The following ANKS1B variants were observed in gnomAD, a reference collection of about 807,000 sequenced individuals.
The protein encoded by ANKS1B is ankyrin repeat and sterile alpha motif domain-containing protein 1B.
ANKS1B carries 36 observed loss-of-function variants against 148.3 expected under a neutral mutation model. The ratio of observed to expected loss-of-function variants is 0.24; its 90% confidence interval spans 0.19 to 0.32. The LOEUF is 0.32. ANKS1B is among the 10% of genes least tolerant of loss of function. ANKS1B has a pLI of 1.00. For missense variants in ANKS1B, 1,157 were observed against 1,542.6 expected (o/e 0.75, Z 4.19); for synonymous variants, 542 against 560.8 (o/e 0.97, Z 0.47).
chr12:98,788,441 A>AC (rs1432664026), intron 22 of ANKS1B, among the ~76,000 whole-genome samples: 3 of 152,116 alleles, frequency 2.0e-5, no homozygotes, highest in African/African-American at 7.2e-5. Flanking sequence ...CTTTAAAAAT[A>AC]GTTTGGGTTC....
intron 8 of ANKS1B, among the ~76,000 whole-genome samples, chr12:99,731,249 G>T (rs1057389588): frequency 1.3e-5 from 2 of 152,178 alleles, no homozygotes; most frequent in Non-Finnish European, 2.9e-5. Flanking sequence ...CTTCCAAGTA[G>T]CTGGGATTAG....
intron 8 of ANKS1B, among the ~76,000 whole-genome samples, chr12:99,657,431 C>T (rs1242602976): frequency 6.6e-6 from 1 of 152,024 alleles, no homozygotes; most frequent in Non-Finnish European, 1.5e-5. Flanking sequence ...TTGGTGAATA[C>T]GTTTCTGTTA....
chr12:99,730,644 A>G (rs1048148889), intron 8 of ANKS1B, among the ~76,000 whole-genome samples: 1 of 152,156 alleles, frequency 6.6e-6, no homozygotes, highest in Admixed American at 6.5e-5. Flanking sequence ...AGAAAAGCTG[A>G]TATCCTTCCA....
intron 12 of ANKS1B, among the ~76,000 whole-genome samples, chr12:99,392,392 T>C (rs866490644): frequency 1.1e-4 from 17 of 152,278 alleles, no homozygotes; most frequent in African/African-American, 4.1e-4. Context: ...AAGCGTCCTA[T>C]GCTGCTAAGC....
rs769204177 is a variant in ANKS1B, at chr12:98,888,577, G to A, written c.2779-56441C>T. ...CCAGCAAGGCTGACCTGAGCTGACC[G>A]GGATTCAGTCACGCTGGACTGCTCT... On this transcript the variant is annotated intron_variant, in intron 17 of 26. Transcript: ENST00000683438. 2.6e-5 allele frequency among the ~76,000 whole-genome samples: 4 copies of A among 152,196 alleles called. No homozygotes were observed. The East Asian group carries it at 5.8e-4, about 22-fold the overall frequency.
chr12:99,606,825 T>C (rs901052872), intron 9 of ANKS1B, among the ~76,000 whole-genome samples: 1 of 152,094 alleles, frequency 6.6e-6, no homozygotes, highest in East Asian at 1.9e-4. Context: ...CATCATCTTA[T>C]CTTTTTGTTC....
intron 9 of ANKS1B, among the ~76,000 whole-genome samples, chr12:99,545,122 T>A (rs906233948): frequency 1.3e-5 from 2 of 152,142 alleles, no homozygotes; most frequent in African/African-American, 4.8e-5. Flanking sequence ...AATTATATGA[T>A]CCGTTCTTCA....
intron 17 of ANKS1B, among the ~76,000 whole-genome samples, chr12:99,030,476 GT>G (rs2099951405): frequency 7.0e-6 from 1 of 143,572 alleles, no homozygotes; most frequent in African/African-American, 2.6e-5. Flanking sequence ...TGAAAAAGAA[GT>G]TAAATTCCTA....
chr12:99,482,781 G>A (rs2096432666), intron 10 of ANKS1B, among the ~76,000 whole-genome samples: 1 of 151,864 alleles, frequency 6.6e-6, no homozygotes, highest in Non-Finnish European at 1.5e-5. Context: ...GTTGTAAAAG[G>A]GATTGAGTTA....
chr12:99,674,393 C>A (rs1488174398), intron 8 of ANKS1B, among the ~76,000 whole-genome samples: 3 of 151,600 alleles, frequency 2.0e-5, no homozygotes, highest in Non-Finnish European at 4.4e-5. Flanking sequence ...CTAGCTGGAC[C>A]TGCAAGGAAA....
chr12:99,527,493 C>A (rs951102408), intron 9 of ANKS1B, among the ~76,000 whole-genome samples: 1 of 152,062 alleles, frequency 6.6e-6, no homozygotes, highest in Non-Finnish European at 1.5e-5. Context: ...GTTAGTAATC[C>A]GGATTTGTGG....
At chr12:99,768,250 C>G (rs1417517279) in intron 8 of ANKS1B, among the ~76,000 whole-genome samples, 1 of 152,154 alleles carries the variant, frequency 6.6e-6, no homozygotes, top group Non-Finnish European at 1.5e-5. Context: ...AACCCAAATG[C>G]TCATCATTTA....
At chr12:99,547,134 C>T (rs891474003) in intron 9 of ANKS1B, among the ~76,000 whole-genome samples, 4 of 151,984 alleles carry the variant, frequency 2.6e-5, no homozygotes, top group Admixed American at 6.6e-5. Flanking sequence ...TGGAGTCAGA[C>T]CAGGGTTTGC....
chr12:99,595,486 C>G (rs997326551), intron 9 of ANKS1B, among the ~76,000 whole-genome samples: 21 of 151,718 alleles, frequency 1.4e-4, no homozygotes, highest in Non-Finnish European at 3.0e-4. Flanking sequence ...ATTTTAAATG[C>G]TGAAATGTAC....
chr12:99,632,767 A>ATATATATATATATATAT (rs1441486862), intron 9 of ANKS1B, among the ~76,000 whole-genome samples: 4 of 71,336 alleles, frequency 5.6e-5, no homozygotes, highest in Non-Finnish European at 8.6e-5. Flanking sequence ...ATATATATAT[A>ATATATATATATATATAT]TTTTAATTAT....
chr12:98,793,627 T>A (rs1593863812), intron 22 of ANKS1B, among the ~76,000 whole-genome samples: 1 of 152,184 alleles, frequency 6.6e-6, no homozygotes, highest in African/African-American at 2.4e-5. Flanking sequence ...GACCCAAACA[T>A]TGCAATAGCA....
intron 8 of ANKS1B, among the ~76,000 whole-genome samples, chr12:99,710,944 T>C (rs139567496): frequency 6.6e-6 from 1 of 152,202 alleles, no homozygotes; most frequent in Non-Finnish European, 1.5e-5. Context: ...TTCCTTTTTT[T>C]AAATAATCTC....
chr12:99,618,544 C>A (rs953766226), intron 9 of ANKS1B, among the ~76,000 whole-genome samples: 1 of 152,060 alleles, frequency 6.6e-6, no homozygotes, highest in African/African-American at 2.4e-5. Flanking sequence ...CCAACAGCTT[C>A]CATGACAGCA....
intron 25 of ANKS1B, among the ~76,000 whole-genome samples, chr12:98,763,578 TA>T (rs2098440941): frequency 6.6e-6 from 1 of 152,128 alleles, no homozygotes; most frequent in Non-Finnish European, 1.5e-5. Context: ...AAGGAAAAAA[TA>T]AAATTCAGCT....
Sources: allele counts gnomAD v4.1 joint callset (sites outside exome capture counted in the v4.1 genomes callset), GRCh38; gene constraint gnomAD v4.1.1; transcripts MANE v1.5; gene names NCBI Gene and HGNC (gene_info 2026-07-23, HGNC 2026-07-21).